The following SCAPER variants were observed in gnomAD, a reference collection of about 807,000 sequenced individuals.
The protein encoded by SCAPER is S-phase cyclin A associated protein in the ER.
SCAPER carries 98 observed loss-of-function variants against 182.2 expected under a neutral mutation model. The observed-to-expected ratio is 0.54, with a 90% CI of 0.46 to 0.64. The LOEUF (loss-of-function observed/expected upper bound fraction) is 0.64. SCAPER is among the 30% of genes least tolerant of loss of function. SCAPER has a pLI of 0.00. For synonymous variants in SCAPER, 605 were observed against 564.6 expected, an observed-to-expected ratio of 1.07 and a Z score of -1.01; for missense variants, 1,432 against 1,690.0, an observed-to-expected ratio of 0.85 and a Z score of 2.68.
At chr15:76,745,724 TTAA>T (rs1450658373) in intron 15 of SCAPER, among the ~76,000 whole-genome samples, 5 of 152,204 alleles carry the variant, frequency 3.3e-5, no homozygotes, top group African/African-American at 1.2e-4. Flanking sequence ...TCACTTTGGC[TTAA>T]TAAAATCATA....
At chr15:76,700,369 G>C (rs2147245344) in intron 20 of SCAPER, among the ~76,000 whole-genome samples, 1 of 152,304 alleles carries the variant, frequency 6.6e-6, no homozygotes, top group South Asian at 2.1e-4. Context: ...CTCCCTGACA[G>C]CTCAAATGTC....
Position 76,602,963 on chromosome 15 carries a change from G to C in SCAPER, c.2711+18801C>G, listed in dbSNP as rs1338586903. ...CATTTATTGGTTCAGAATTTACTAA[G>C]ACAGCAAGAAAACTTTTTTTTTTTT... On this transcript the variant is annotated intron_variant, in intron 22 of 31. Coordinates refer to ENST00000563290, the MANE Select transcript of SCAPER (RefSeq NM_020843.4). Among the ~76,000 whole-genome samples the C allele has an allele frequency of 2.9e-4, 21 of 73,586 alleles. 2 individuals carry two copies. The highest frequency in any genetic ancestry group is 6.8e-4 in the African/African-American group (20 of 29,276). The allele number at this position is 73,586 out of a possible 152,430, so 48.3% of individuals were successfully genotyped here. A position where few individuals can be genotyped will look rare whatever the true frequency, so the allele number is the denominator to read the frequency against.
chr15:76,452,681 C>T (rs952334231), intron 25 of SCAPER, among the ~76,000 whole-genome samples: 1 of 152,180 alleles, frequency 6.6e-6, no homozygotes, highest in African/African-American at 2.4e-5. Flanking sequence ...TTCTGTGTTT[C>T]AGCTATTGAG....
intron 27 of SCAPER, among the ~76,000 whole-genome samples, chr15:76,384,463 T>TA (rs1555419217): frequency 1.3e-5 from 2 of 152,160 alleles, no homozygotes; most frequent in Non-Finnish European, 2.9e-5. Context: ...ATCTTTTTTT[T>TA]AAAAAAAGTG....
intron 29 of SCAPER, among the ~76,000 whole-genome samples, chr15:76,363,278 G>C (rs1410224903): frequency 6.6e-6 from 1 of 152,264 alleles, no homozygotes; most frequent in East Asian, 1.9e-4. Flanking sequence ...TCTGGGGAAT[G>C]AATGACTGAG....
intron 20 of SCAPER, among the ~76,000 whole-genome samples, chr15:76,695,910 G>C (rs2058635467): frequency 6.6e-6 from 1 of 152,114 alleles, no homozygotes; most frequent in Non-Finnish European, 1.5e-5. Flanking sequence ...TTAAAAGAAA[G>C]TGTAATATGT....
chr15:76,490,970 T>TGG (rs2143330809), intron 24 of SCAPER, among the ~76,000 whole-genome samples: 1 of 152,316 alleles, frequency 6.6e-6, no homozygotes, highest in East Asian at 1.9e-4. Flanking sequence ...CTGTTAATGA[T>TGG]GTTTCTCCCT....
rs773051541 is a variant in SCAPER, at chr15:76,701,808, C to T, written c.2458G>A (p.Val820Met). The change falls in exon 20 of 32, where the codon GTG becomes ATG. Residue 820 changes from valine (V) to methionine (M), a missense_variant. Val to Met is a conservative substitution (Grantham distance 21). Coordinates refer to ENST00000563290, the MANE Select transcript of SCAPER (RefSeq NM_020843.4). Reference protein sequence around the residue: ...HVKGRKHQQAVRENTSIQGRE... With the variant: ...HVKGRKHQQAMRENTSIQGRE... ...CCCTGGATGCTGGTATTCTCTCTCA[C>T]GGCTTGCTGGTGTTTTCTCCCTTTA... The T allele has an allele frequency of 8.7e-6, 14 of 1,613,840 alleles. No individual in the cohort carries two copies. Among genetic ancestry groups the T allele is most frequent in the Admixed American group, 8.3e-5 (5 of 60,004 alleles).
intron 25 of SCAPER, among the ~76,000 whole-genome samples, chr15:76,437,496 C>T (rs2047274309): frequency 1.3e-5 from 2 of 152,210 alleles, no homozygotes; most frequent in Non-Finnish European, 2.9e-5. Context: ...TGGCCATATT[C>T]TAAAATTAAC....
chr15:76,390,248 C>G (rs746399105), intron 27 of SCAPER, among the ~76,000 whole-genome samples: 1 of 152,162 alleles, frequency 6.6e-6, no homozygotes, highest in Non-Finnish European at 1.5e-5. Flanking sequence ...AGCCACTGTG[C>G]CTGGCTAAAG....
intron 17 of SCAPER, among the ~76,000 whole-genome samples, chr15:76,714,932 GAATT>G (rs2059807328): frequency 6.6e-6 from 1 of 151,802 alleles, no homozygotes; most frequent in Non-Finnish European, 1.5e-5. Context: ...AAATTTTATA[GAATT>G]ATTTCCATAT....
chr15:76,428,866 C>CTATATATATATATA (rs375991391), intron 26 of SCAPER, among the ~76,000 whole-genome samples: 1,106 of 79,770 alleles, frequency 0.014, 48 homozygotes, highest in African/African-American at 0.026. Flanking sequence ...GATCATTATA[C>CTATATATATATATA]TATATATATA....
intron 22 of SCAPER, 49 bp downstream of exon 22, chr15:76,621,715 T>G (rs2052078395): frequency 7.0e-7 from 1 of 1,421,488 alleles, no homozygotes; most frequent in Non-Finnish European, 9.7e-7. Context: ...TACACTTTTG[T>G]TACAGGCATA....
rs1056781729 is a variant in SCAPER at position 76,865,103 on chromosome 15, C to A, written c.7-2570G>T. Among the ~76,000 whole-genome samples the A allele has an allele frequency of 1.2e-4, 19 of 152,202 alleles. 1 individual carries two copies. The highest frequency in any genetic ancestry group is 4.1e-4 in the African/African-American group (17 of 41,542). Reference sequence around the variant, plus strand: ...TTTAAATTACAGCATTTACATTTCACCAACTATCCCATTAATCTCTTTGAC... The same window carrying A: ...TTTAAATTACAGCATTTACATTTCAACAACTATCCCATTAATCTCTTTGAC... On this transcript the variant is annotated intron_variant, in intron 2 of 31. Coordinates refer to ENST00000563290, the MANE Select transcript of SCAPER (RefSeq NM_020843.4).
intron 24 of SCAPER, among the ~76,000 whole-genome samples, chr15:76,490,547 CCCT>C (rs1352700053): frequency 6.6e-6 from 1 of 152,088 alleles, no homozygotes; most frequent in Non-Finnish European, 1.5e-5. Flanking sequence ...TTGAACTTAA[CCCT>C]TTCTCTGATA....
chr15:76,799,817 G>T (rs971095969), intron 7 of SCAPER, among the ~76,000 whole-genome samples: 5 of 152,108 alleles, frequency 3.3e-5, no homozygotes, highest in African/African-American at 9.7e-5. Flanking sequence ...TTTGGCTGTG[G>T]TAATAAATGG....
intron 20 of SCAPER, among the ~76,000 whole-genome samples, chr15:76,671,558 A>G (rs371616208): frequency 1.3e-5 from 2 of 152,276 alleles, no homozygotes; most frequent in East Asian, 1.9e-4. Flanking sequence ...TCACAAGGTC[A>G]GGAGATTGAG....
intron 24 of SCAPER, among the ~76,000 whole-genome samples, chr15:76,478,579 T>C (rs1245395301): frequency 6.6e-6 from 1 of 152,200 alleles, no homozygotes; most frequent in East Asian, 1.9e-4. Flanking sequence ...GGTAATTTTA[T>C]GGTTTTCTAA....
intron 23 of SCAPER, among the ~76,000 whole-genome samples, chr15:76,513,063 A>G (rs969925410): frequency 2.6e-5 from 4 of 152,126 alleles, no homozygotes; most frequent in African/African-American, 9.7e-5. Flanking sequence ...TTCATGTCCC[A>G]CATCAAGCCC....
Sources: allele counts gnomAD v4.1 joint callset (sites outside exome capture counted in the v4.1 genomes callset), GRCh38; gene constraint gnomAD v4.1.1; transcripts MANE v1.5; gene names NCBI Gene and HGNC (gene_info 2026-07-23, HGNC 2026-07-21).